The following CDK19 variants were observed in gnomAD, a reference collection of about 807,000 sequenced individuals.
CDK19 encodes cyclin dependent kinase 19, also known as cyclin-dependent kinase 19.
CDK19 carries 20 observed loss-of-function variants against 68.3 expected under a neutral mutation model. The ratio of observed to expected loss-of-function variants is 0.29; its 90% confidence interval spans 0.21 to 0.43. The LOEUF (loss-of-function observed/expected upper bound fraction) is 0.43. Ranked by LOEUF, CDK19 falls within the 20% of genes least tolerant of loss-of-function variation. The pLI is 1.00. For missense variants in CDK19, 339 were observed against 623.5 expected (o/e 0.54, Z 4.86); for synonymous variants, 221 against 222.8 (o/e 0.99, Z 0.07).
At position 110,792,903 on chromosome 6, in the gene CDK19, T is replaced by C. The variant is rs1041078262; in HGVS notation, c.128+22106A>G. ...AAACTAATGCTTTGCTGGAGACTTT[T>C]ATACATTTTGACTCAATTACTCCTC... is the stretch of plus-strand genomic sequence containing the variant. On this transcript the variant is annotated intron_variant, in intron 1 of 12. Transcript: ENST00000368911. Among the ~76,000 whole-genome samples the C allele has an allele frequency of 2.6e-4, 40 of 152,226 alleles. 1 individual carries two copies. Among genetic ancestry groups the C allele is most frequent in the Non-Finnish European group, 8.8e-5 (6 of 68,046 alleles).
intron 2 of CDK19, among the ~76,000 whole-genome samples, chr6:110,713,709 T>C (rs1038455136): frequency 6.6e-6 from 1 of 152,120 alleles, no homozygotes; most frequent in African/African-American, 2.4e-5. Context: ...AATTTTTTAC[T>C]TTGGTAATAT....
intron 1 of CDK19, among the ~76,000 whole-genome samples, chr6:110,772,402 C>T (rs550364154): frequency 3.9e-5 from 6 of 151,962 alleles, no homozygotes; most frequent in Non-Finnish European, 5.9e-5. Context: ...TATCTCCCAC[C>T]GAGTCCCTCC....
chr6:110,667,117 T>C (rs1402170895), intron 4 of CDK19, among the ~76,000 whole-genome samples: 3 of 152,178 alleles, frequency 2.0e-5, no homozygotes, highest in African/African-American at 7.2e-5. Context: ...AGCAATAATA[T>C]GAAGAACAAA....
chr6:110,734,550 T>TCTCTCTCTCTCTCTCTCTCTCTCA (rs1777076448), intron 2 of CDK19, among the ~76,000 whole-genome samples: 1 of 150,030 alleles, frequency 6.7e-6, no homozygotes, highest in Non-Finnish European at 1.5e-5. Context: ...TCTCTCTCTC[T>TCTCTCTCTCTCTCTCTCTCTCTCA]CTCTCTCTCT....
intron 4 of CDK19, among the ~76,000 whole-genome samples, chr6:110,656,166 TTTATGA>T (rs1384930976): frequency 2.0e-5 from 3 of 152,240 alleles, no homozygotes; most frequent in African/African-American, 4.8e-5. Flanking sequence ...ACCTTGTTGC[TTTATGA>T]TTATGTTTGT....
At chr6:110,808,187 T>A (rs751678813) in intron 1 of CDK19, among the ~76,000 whole-genome samples, 9 of 152,216 alleles carry the variant, frequency 5.9e-5, no homozygotes, top group Non-Finnish European at 1.0e-4. Flanking sequence ...CACAGTCCAA[T>A]GTGATAGCTA....
At chr6:110,652,303 A>G (rs1781023848) in intron 4 of CDK19, among the ~76,000 whole-genome samples, 1 of 152,184 alleles carries the variant, frequency 6.6e-6, no homozygotes, top group African/African-American at 2.4e-5. Context: ...ATTGGAATGG[A>G]CAATTGGGTC....
chr6:110,761,194 T>C (rs968788254), intron 1 of CDK19, among the ~76,000 whole-genome samples: 2 of 152,234 alleles, frequency 1.3e-5, no homozygotes, highest in African/African-American at 4.8e-5. Flanking sequence ...GTCATCCTCC[T>C]GCCTCAGCCT....
intron 1 of CDK19, among the ~76,000 whole-genome samples, chr6:110,790,589 C>A (rs1380187818): frequency 6.6e-6 from 1 of 151,892 alleles, no homozygotes; most frequent in Non-Finnish European, 1.5e-5. Context: ...AAAACTCCTA[C>A]TTTATGTAAA....
At chr6:110,770,005 G>C (rs1779896293) in intron 1 of CDK19, among the ~76,000 whole-genome samples, 1 of 152,086 alleles carries the variant, frequency 6.6e-6, no homozygotes, top group Non-Finnish European at 1.5e-5. Flanking sequence ...AAGGCAAAAA[G>C]GTTTGGGAAG....
At chr6:110,660,117 C>T (rs552340122) in intron 4 of CDK19, among the ~76,000 whole-genome samples, 6 of 152,310 alleles carry the variant, frequency 3.9e-5, no homozygotes, top group Non-Finnish European at 7.3e-5. Context: ...CAGGCATGTG[C>T]CATCACAGCT....
intron 1 of CDK19, among the ~76,000 whole-genome samples, chr6:110,786,021 T>A (rs1270588957): frequency 6.6e-6 from 1 of 152,048 alleles, no homozygotes; most frequent in African/African-American, 2.4e-5. Flanking sequence ...AAATACATCA[T>A]AATTTCTGCC....
chr6:110,752,846 T>C (rs1778566380), intron 1 of CDK19, among the ~76,000 whole-genome samples: 1 of 151,678 alleles, frequency 6.6e-6, no homozygotes, highest in South Asian at 2.1e-4. Flanking sequence ...GAATTACAAG[T>C]ATGAGCCACT....
In CDK19 at chr6:110,643,572, T is replaced by A. The variant is rs538961853; in HGVS notation, c.457-4866A>T. On this transcript the variant is annotated intron_variant, in intron 4 of 12. Coordinates refer to ENST00000368911, the MANE Select transcript of CDK19 (RefSeq NM_015076.5). Reference sequence around the variant, plus strand: ...AAGATTTTGGGGTTATAGCTAAGGATAACTAAGATTTTGATAAGCATAAAC... The same window carrying A: ...AAGATTTTGGGGTTATAGCTAAGGAAAACTAAGATTTTGATAAGCATAAAC... Among the ~76,000 whole-genome samples the A allele has an allele frequency of 9.9e-5, 15 of 152,270 alleles. No individual in the cohort carries two copies. In the South Asian group the frequency reaches 3.1e-3, roughly 32 times the overall value.
intron 1 of CDK19, among the ~76,000 whole-genome samples, chr6:110,814,394 G>C (rs1783395910): frequency 1.3e-5 from 2 of 152,234 alleles, no homozygotes; most frequent in Non-Finnish European, 2.9e-5. Flanking sequence ...TGAGAAACCC[G>C]GGACGCCGGG....
At chr6:110,670,791 G>C (rs772265728) in intron 2 of CDK19, 1 of 579,744 alleles carries the variant, frequency 1.7e-6, no homozygotes, top group South Asian at 1.6e-5. Flanking sequence ...TTTCTTTCTT[G>C]TCAGAGACTG....
intron 2 of CDK19, among the ~76,000 whole-genome samples, chr6:110,738,638 T>C (rs1369506008): frequency 6.6e-6 from 1 of 152,124 alleles, no homozygotes; most frequent in Non-Finnish European, 1.5e-5. Flanking sequence ...ATAAAATAAT[T>C]TTAAGCTTGG....
At chr6:110,697,058 CAA>C (rs747444458) in intron 2 of CDK19, among the ~76,000 whole-genome samples, 15 of 109,316 alleles carry the variant, frequency 1.4e-4, no homozygotes, top group African/African-American at 1.3e-4. Context: ...AACTCCATCT[CAA>C]AAAAAAAAAA....
At chr6:110,685,977 G>A (rs541902386) in intron 2 of CDK19, among the ~76,000 whole-genome samples, 47 of 152,214 alleles carry the variant, frequency 3.1e-4, no homozygotes, top group African/African-American at 8.2e-4. Flanking sequence ...CTTCTAAGTC[G>A]TCACTGCACA....
Sources: allele counts gnomAD v4.1 joint callset (sites outside exome capture counted in the v4.1 genomes callset), GRCh38; gene constraint gnomAD v4.1.1; transcripts MANE v1.5; gene names NCBI Gene and HGNC (gene_info 2026-07-23, HGNC 2026-07-21).